The following SCRG1 variants were observed in gnomAD, a reference collection of about 807,000 sequenced individuals.
The protein encoded by SCRG1 is scrapie-responsive protein 1.
A neutral mutation model predicts 7.7 loss-of-function variants in SCRG1; 3 were observed. The ratio of observed to expected loss-of-function variants is 0.39; its 90% CI spans 0.18 to 1.01. The LOEUF is 1.01. SCRG1 is among the 50% of genes least tolerant of loss of function. The pLI, the probability that SCRG1 is intolerant of heterozygous loss-of-function variation, is 0.36. For synonymous variants in SCRG1, 46 were observed against 41.2 expected, an observed-to-expected ratio of 1.12 and a Z score of -0.44; for missense variants, 110 against 117.2, an observed-to-expected ratio of 0.94 and a Z score of 0.28.
chr4:173,491,748 A>G, the SCRG1 span, among the ~76,000 whole-genome samples: 1 of 152,174 alleles, frequency 6.6e-6, no homozygotes, highest in Non-Finnish European at 1.5e-5. Context: ...CTTGTCATTC[A>G]ACCCTCAGGC....
chr4:173,408,429 A>G (rs1739966617), upstream of SCRG1, among the ~76,000 whole-genome samples: 1 of 152,198 alleles, frequency 6.6e-6, no homozygotes, highest in East Asian at 1.9e-4. Context: ...CTATGCTTCC[A>G]CACTCTATGT....
the SCRG1 span, chr4:173,419,321 A>G: frequency 2.6e-6 from 2 of 766,776 alleles, no homozygotes; most frequent in Non-Finnish European, 2.1e-6. Flanking sequence ...CTTCTGAGCA[A>G]GGGATATTTT....
At chr4:173,492,805 C>T in the SCRG1 span, among the ~76,000 whole-genome samples, 16 of 152,134 alleles carry the variant, frequency 1.1e-4, no homozygotes, top group Admixed American at 5.9e-4. Context: ...CCTACGTGAC[C>T]GCACTTCATG....
In SCRG1 at chr4:173,386,744, A is replaced by G. The variant is rs1368703265; in HGVS notation, c.*1597T>C. 2 of 152,198 alleles carry G rather than the reference A, an allele frequency of 1.3e-5. No homozygotes were observed. Among genetic ancestry groups the G allele is most frequent in the Non-Finnish European group, 2.9e-5 (2 of 68,038 alleles). 9.4% of individuals were successfully genotyped at this position (152,198 alleles called of 1,614,324 possible). On this transcript the variant is annotated 3_prime_UTR_variant, in exon 3 of 3. Coordinates refer to ENST00000296506, the MANE Select transcript of SCRG1 (RefSeq NM_007281.4). ...GGTGTCTCTCAAACATTTCCCCACA[A>G]TACTTTGTATGGCACCCTATACTTC...
the SCRG1 span, among the ~76,000 whole-genome samples, chr4:173,498,078 G>A: frequency 6.6e-6 from 1 of 152,150 alleles, no homozygotes; most frequent in Non-Finnish European, 1.5e-5. Context: ...AGTATCAGTT[G>A]AATACTATTC....
the SCRG1 span, among the ~76,000 whole-genome samples, chr4:173,502,984 G>A: frequency 5.3e-5 from 8 of 152,172 alleles, no homozygotes; most frequent in Non-Finnish European, 1.0e-4. This position sits in a 1 kb window ranked among gnomAD's most constrained non-coding sequence, Gnocchi z 4.6. Flanking sequence ...TGGGACTCAC[G>A]AAGAAGGAGT....
At chr4:173,453,332 G>A in the SCRG1 span, among the ~76,000 whole-genome samples, 1 of 152,204 alleles carries the variant, frequency 6.6e-6, no homozygotes, top group Admixed American at 6.5e-5. Flanking sequence ...GCAGAGACAT[G>A]GAAACCTCCG....
At chr4:173,482,605 G>A in the SCRG1 span, among the ~76,000 whole-genome samples, 3 of 151,956 alleles carry the variant, frequency 2.0e-5, no homozygotes, top group Non-Finnish European at 4.4e-5. Context: ...ACCACTTGAG[G>A]TGAGAAGTTT....
the SCRG1 span, among the ~76,000 whole-genome samples, chr4:173,485,216 G>A: frequency 1.7e-5 from 2 of 116,242 alleles, no homozygotes; most frequent in East Asian, 4.5e-4. Flanking sequence ...ATTATATATA[G>A]GATAAATTTT....
chr4:173,401,169 C>T (rs1409512611), upstream of SCRG1, among the ~76,000 whole-genome samples: 3 of 152,114 alleles, frequency 2.0e-5, no homozygotes, highest in Admixed American at 1.3e-4. Context: ...GTCTCCATTT[C>T]GCTGAAACTG....
At chr4:173,409,835 C>T (rs558164276), upstream of SCRG1, among the ~76,000 whole-genome samples, 2 of 152,104 alleles carry the variant, frequency 1.3e-5, no homozygotes, top group South Asian at 2.1e-4. Context: ...GTGATCCGTC[C>T]GCCTCGGCCT....
At chr4:173,456,119 C>T in the SCRG1 span, among the ~76,000 whole-genome samples, 1 of 152,156 alleles carries the variant, frequency 6.6e-6, no homozygotes, top group Non-Finnish European at 1.5e-5. Flanking sequence ...GCCTTGACAT[C>T]ACAACCACAT....
the SCRG1 span, among the ~76,000 whole-genome samples, chr4:173,416,929 CACACACACA>C: frequency 2.2e-5 from 3 of 133,906 alleles, no homozygotes; most frequent in Admixed American, 7.2e-5. Flanking sequence ...CACACACACA[CACACACACA>C]CACACACACA....
chr4:173,513,184 C>T, the SCRG1 span, among the ~76,000 whole-genome samples: 1 of 152,188 alleles, frequency 6.6e-6, no homozygotes, highest in African/African-American at 2.4e-5. Flanking sequence ...TCCCACAATT[C>T]TAGGCAGAAT....
chr4:173,452,712 A>G, the SCRG1 span, among the ~76,000 whole-genome samples: 3 of 152,194 alleles, frequency 2.0e-5, no homozygotes, highest in Admixed American at 1.3e-4. Context: ...GGGGCCATGC[A>G]GAGCAGAAAG....
rs1739259964 is a variant in SCRG1, at chr4:173,386,763, A to C, written c.*1578T>G. ...CCCACAATACTTTGTATGGCACCCT[A>C]TACTTCTCTGTAGCAGGCTTCACAT... is the stretch of plus-strand genomic sequence containing the variant. On this transcript the variant is annotated 3_prime_UTR_variant, in exon 3 of 3. Transcript: ENST00000296506. 1 of 152,166 alleles carries C rather than the reference A, an allele frequency of 6.6e-6. No homozygotes were observed. Among genetic ancestry groups the C allele is most frequent in the Admixed American group, 6.5e-5 (1 of 15,274 alleles). The allele number at this position is 152,166 out of a possible 1,614,324, so 9.4% of individuals were successfully genotyped here.
At chr4:173,472,883 G>T in the SCRG1 span, among the ~76,000 whole-genome samples, 1 of 152,270 alleles carries the variant, frequency 6.6e-6, no homozygotes, top group African/African-American at 2.4e-5. Flanking sequence ...AACACAGCAG[G>T]TGAGATTCAA....
chr4:173,517,300 G>T, the SCRG1 span, among the ~76,000 whole-genome samples: 1 of 152,180 alleles, frequency 6.6e-6, no homozygotes, highest in East Asian at 1.9e-4. Context: ...AAGGCATGTG[G>T]GTACAAGAAA....
the SCRG1 span, among the ~76,000 whole-genome samples, chr4:173,430,605 A>T: frequency 6.6e-6 from 1 of 152,112 alleles, no homozygotes; most frequent in Non-Finnish European, 1.5e-5. Flanking sequence ...CCTGGGCAAC[A>T]TACTGAAACA....
Sources: gnomAD v4.1 joint callset for allele counts (sites outside exome capture counted in the v4.1 genomes callset) on GRCh38, gnomAD v4.1.1 for gene constraint, Gnocchi (gnomAD v3.1) non-coding constraint, MANE v1.5 for transcripts, NCBI Gene and HGNC (gene_info 2026-07-23, HGNC 2026-07-21) for gene names.